The following PHACTR2 variants were observed in gnomAD, a reference collection of about 807,000 sequenced individuals.
PHACTR2 encodes the protein phosphatase and actin regulator 2, also known as chromosome 6 open reading frame 56.
Under a neutral mutation model 76.0 loss-of-function variants are expected in PHACTR2, and 30 were observed. That is an observed-to-expected ratio of 0.39 (90% CI 0.30 to 0.54). The LOEUF (loss-of-function observed/expected upper bound fraction) is 0.54, where lower values mean the gene tolerates loss of function less well. Among genes scored for constraint, PHACTR2 ranks in the 20% least tolerant of loss-of-function variants. The pLI, the probability that PHACTR2 is intolerant of heterozygous loss-of-function variation, is 0.61. For synonymous variants in PHACTR2, 292 were observed against 292.5 expected, an observed-to-expected ratio of 1.00 and a Z score of 0.02; for missense variants, 696 against 781.1, an observed-to-expected ratio of 0.89 and a Z score of 1.30.
At chr6:143,687,482 C>T (rs943274243) in intron 1 of PHACTR2, among the ~76,000 whole-genome samples, 4 of 151,602 alleles carry the variant, frequency 2.6e-5, no homozygotes, top group Non-Finnish European at 4.4e-5. Context: ...TCAACTGATG[C>T]AAAAGTGATA....
rs920995584 is a variant in PHACTR2, at chr6:143,822,969, G to C, written c.1923-705G>C. Among the ~76,000 whole-genome samples the C allele has an allele frequency of 7.2e-5, 11 of 152,240 alleles. No homozygotes were observed. Among genetic ancestry groups the C allele is most frequent in the African/African-American group, 2.4e-4 (10 of 41,460 alleles). On this transcript the variant is annotated intron_variant, in intron 12 of 12. Transcript: ENST00000440869. The surrounding 1 kb of genome is among the most constrained non-coding windows in gnomAD (Gnocchi z 5.5). ...TGCCAGCAAAAGATGGAACTTTAAT[G>C]ATTCCAAGACAGGCAGTTGAGGCAG...
chr6:143,815,314 A>G (rs1582908854), intron 12 of PHACTR2, among the ~76,000 whole-genome samples: 1 of 152,150 alleles, frequency 6.6e-6, no homozygotes, highest in Non-Finnish European at 1.5e-5. Context: ...TAACATAAGT[A>G]TATGTACAGG....
At chr6:143,721,611 T>G (rs1286182469) in intron 2 of PHACTR2, among the ~76,000 whole-genome samples, 2 of 151,000 alleles carry the variant, frequency 1.3e-5, no homozygotes, top group Admixed American at 6.6e-5. Flanking sequence ...AAACAAATTA[T>G]CTCCAGTCTT....
chr6:143,747,125 T>C (rs1779084483), intron 2 of PHACTR2, among the ~76,000 whole-genome samples: 1 of 152,228 alleles, frequency 6.6e-6, no homozygotes, highest in African/African-American at 2.4e-5. Flanking sequence ...TTATATATTG[T>C]ACATAAAATA....
chr6:143,613,916 C>G (rs1776020548), intron 1 of PHACTR2, among the ~76,000 whole-genome samples: 1 of 152,132 alleles, frequency 6.6e-6, no homozygotes, highest in South Asian at 2.1e-4. Flanking sequence ...CAACAGGTTT[C>G]TTAGCATGTT....
At chr6:143,609,792 G>A (rs1401781331) in intron 1 of PHACTR2, among the ~76,000 whole-genome samples, 1 of 151,860 alleles carries the variant, frequency 6.6e-6, no homozygotes, top group African/African-American at 2.4e-5. Flanking sequence ...TTATTTAAAG[G>A]CCATTTAAAA....
rs1487574035 is a variant in PHACTR2 at position 143,625,377 on chromosome 6, A to G, written c.13+17055A>G. Among the ~76,000 whole-genome samples, 1 of 152,176 alleles carries G rather than the reference A, an allele frequency of 6.6e-6. No individual in the cohort carries two copies. The highest frequency in any genetic ancestry group is 1.5e-5 in the Non-Finnish European group (1 of 68,038). On this transcript the variant is annotated intron_variant, in intron 1 of 11. Coordinates refer to the PHACTR2 transcript ENST00000305766. The surrounding 1 kb of genome is among the most constrained non-coding windows in gnomAD (Gnocchi z 4.3). Reference sequence around the variant, plus strand: ...TGTACAGTTTATTCAAAAAATAAATATTTAAGTTATAAATTTATTAGTTAT... The same window carrying G: ...TGTACAGTTTATTCAAAAAATAAATGTTTAAGTTATAAATTTATTAGTTAT...
chr6:143,640,426 A>G (rs1776544123), intron 1 of PHACTR2, among the ~76,000 whole-genome samples: 1 of 152,160 alleles, frequency 6.6e-6, no homozygotes, highest in African/African-American at 2.4e-5. Context: ...CAAACAAAAG[A>G]CTTACAGAGA....
chr6:143,788,707 A>T (rs1171718079), intron 10 of PHACTR2, 66 bp from the exon 11 acceptor site: 21 of 1,425,346 alleles, frequency 1.5e-5, no homozygotes. Flanking sequence ...TTCTCTATAG[A>T]AAACTTGCCA....
intron 1 of PHACTR2, among the ~76,000 whole-genome samples, chr6:143,586,209 AAGAG>A (rs61495327): frequency 0.31 from 47,268 of 151,940 alleles, 8,120 homozygotes; most frequent in Non-Finnish European, 0.39. Flanking sequence ...AGTGTAGAAA[AAGAG>A]AGAGAGAAGG....
intron 2 of PHACTR2, among the ~76,000 whole-genome samples, chr6:143,720,201 A>G (rs908096873): frequency 5.9e-5 from 9 of 152,190 alleles, no homozygotes; most frequent in Non-Finnish European, 1.3e-4. Flanking sequence ...AGGAACTGTT[A>G]CAGGCTCTAG....
intron 1 of PHACTR2, chr6:143,711,786 TGC>T: frequency 1.4e-6 from 1 of 704,756 alleles, no homozygotes; most frequent in Non-Finnish European, 2.6e-6. Flanking sequence ...GTAAGTCTCT[TGC>T]TTCTAGTCTG....
upstream of PHACTR2, among the ~76,000 whole-genome samples, chr6:143,677,015 A>C (rs549473826): frequency 4.6e-5 from 7 of 151,950 alleles, no homozygotes; most frequent in South Asian, 1.4e-3. Flanking sequence ...AGGATAAATT[A>C]AAAAATGAAA....
At chr6:143,747,639 G>A (rs528824599) in intron 2 of PHACTR2, among the ~76,000 whole-genome samples, 4 of 152,254 alleles carry the variant, frequency 2.6e-5, no homozygotes, top group South Asian at 2.1e-4. Flanking sequence ...CAGAAATCTC[G>A]TGCTACTGCA....
chr6:143,628,078 C>A (rs9496713), intron 1 of PHACTR2, among the ~76,000 whole-genome samples: 90,325 of 152,030 alleles, frequency 0.59, 28,302 homozygotes, highest in Non-Finnish European at 0.71. Context: ...CAAATTGAAC[C>A]TAATGTTTTC....
At position 143,613,082 on chromosome 6, in the gene PHACTR2, T is replaced by A. The variant is rs1373720782; in HGVS notation, c.13+4760T>A. On this transcript the variant is annotated intron_variant, in intron 1 of 11. Coordinates refer to the PHACTR2 transcript ENST00000305766. ...AGCTCCGCCTCCCAGGTTCACGCCA[T>A]TCCCTGGCCTCAGCCTCCCGAGTAG... 2.0e-5 allele frequency among the ~76,000 whole-genome samples: 3 copies of A among 152,232 alleles called. No homozygotes were observed. In the East Asian group the frequency reaches 5.8e-4, roughly 29 times the overall value.
intron 1 of PHACTR2, among the ~76,000 whole-genome samples, chr6:143,572,963 GATA>G (rs1449981131): frequency 1.3e-5 from 2 of 152,176 alleles, no homozygotes; most frequent in African/African-American, 4.8e-5. Context: ...GTCATCATCA[GATA>G]AGAATCCAAA....
Position 143,733,769 on chromosome 6 carries a change from G to A in PHACTR2, c.215-15216G>A, listed in dbSNP as rs1014875167. Among the ~76,000 whole-genome samples, 60 of 152,302 alleles carry A rather than the reference G, an allele frequency of 3.9e-4. No homozygotes were observed. The highest frequency in any genetic ancestry group is 8.3e-4 in the South Asian group (4 of 4,826). On this transcript the variant is annotated intron_variant, in intron 2 of 12. Transcript: ENST00000440869. The surrounding 1 kb of genome is among the most constrained non-coding windows in gnomAD (Gnocchi z 4.0). ...ACATCTTTCTCAGAAAGGAAGTGTG[G>A]TGGGGGTTGTATTTTAATTCAACCA... is the stretch of plus-strand genomic sequence containing the variant.
rs1377813003 is a variant in PHACTR2 at position 143,599,240 on chromosome 6, AT to A, written c.217+62034del. 2.6e-5 allele frequency among the ~76,000 whole-genome samples: 4 copies of A among 152,266 alleles called. No homozygotes were observed. Among genetic ancestry groups the A allele is most frequent in the African/African-American group, 9.6e-5 (4 of 41,476 alleles). ...CTATGTGTTAATACTCTTTAAAAAA[AT>A]AAAACTACTAGATGGCAAGTGTACT... On this transcript the variant is annotated intron_variant, in intron 1 of 11. Transcript: ENST00000367584. This position sits in a 1 kb window ranked among gnomAD's most constrained non-coding sequence, Gnocchi z 4.6.
Sources: allele counts gnomAD v4.1 joint callset (sites outside exome capture counted in the v4.1 genomes callset), GRCh38; gene constraint gnomAD v4.1.1; non-coding constraint Gnocchi (gnomAD v3.1); transcripts MANE v1.5; gene names NCBI Gene and HGNC (gene_info 2026-07-23, HGNC 2026-07-21).